The following ABLIM3 variants were observed in gnomAD, a reference collection of about 807,000 sequenced individuals.
ABLIM3 encodes actin-binding LIM protein 3.
In ABLIM3, 61 loss-of-function variants were observed where a neutral mutation model predicts 109.5. The observed-to-expected ratio is 0.56, with a 90% CI of 0.45 to 0.69. The LOEUF is 0.69. ABLIM3 is among the 30% of genes least tolerant of loss of function. ABLIM3 has a pLI of 0.00. For synonymous variants in ABLIM3, 300 were observed against 324.8 expected (o/e 0.92, Z 0.82); for missense variants, 796 against 889.5 (o/e 0.89, Z 1.34).
At chr5:149,236,852 T>C (rs1317309601) in intron 10 of ABLIM3, among the ~76,000 whole-genome samples, 2 of 152,262 alleles carry the variant, frequency 1.3e-5, no homozygotes, top group Non-Finnish European at 2.9e-5. Context: ...TGGTGCCTAC[T>C]ACTAGAGTTG....
intron 8 of ABLIM3, among the ~76,000 whole-genome samples, chr5:149,225,980 GTGTATATATATATATATATATATA>G (rs1182553906): frequency 4.6e-5 from 1 of 21,920 alleles, no homozygotes; most frequent in Non-Finnish European, 8.0e-5. Flanking sequence ...GTGTGTGTGT[GTGTATATATATATATATATATATA>G]TATATATATA....
At chr5:149,180,467 A>T (rs774215129) in intron 2 of ABLIM3, among the ~76,000 whole-genome samples, 9 of 152,176 alleles carry the variant, frequency 5.9e-5, no homozygotes, top group Non-Finnish European at 1.0e-4. Flanking sequence ...AGGAGCAGGG[A>T]TGTGGCATAT....
chr5:149,214,545 C>T (rs1265009568), intron 7 of ABLIM3, among the ~76,000 whole-genome samples: 4 of 152,172 alleles, frequency 2.6e-5, no homozygotes, highest in Non-Finnish European at 4.4e-5. Context: ...CACTACTTAA[C>T]CCTGTGGACT....
intron 2 of ABLIM3, among the ~76,000 whole-genome samples, chr5:149,145,551 C>G (rs1752831971): frequency 6.6e-6 from 1 of 152,152 alleles, no homozygotes; most frequent in Admixed American, 6.6e-5. Flanking sequence ...GTTTTAAGTT[C>G]TTTGAGAATT....
intron 21 of ABLIM3, 29 bp downstream of exon 21, chr5:149,251,448 G>A (rs4558974): frequency 1.8e-4 from 296 of 1,611,046 alleles, no homozygotes; most frequent in Non-Finnish European, 2.4e-4. Context: ...GGGGTCTGCA[G>A]GGAGAGTGCC....
At chr5:149,147,029 C>T (rs1299261367) in intron 2 of ABLIM3, among the ~76,000 whole-genome samples, 1 of 152,096 alleles carries the variant, frequency 6.6e-6, no homozygotes, top group South Asian at 2.1e-4. Flanking sequence ...AGATCTTTCA[C>T]CTCCTTGGTT....
intron 8 of ABLIM3, among the ~76,000 whole-genome samples, chr5:149,225,084 A>G (rs935512513): frequency 2.6e-5 from 4 of 152,232 alleles, no homozygotes; most frequent in Non-Finnish European, 4.4e-5. Flanking sequence ...AAGGAGGAAC[A>G]GAGTGCCTTG....
Position 149,237,755 on chromosome 5 carries a change from A to AAG in ABLIM3, c.1044+156_1044+157dup, listed in dbSNP as rs375261435. The AAG allele has an allele frequency of 3.2e-4, 332 of 1,035,418 alleles. 1 individual carries two copies. The African/African-American group carries it at 3.4e-3, about 11-fold the overall frequency. The allele number at this position is 1,035,418 out of a possible 1,614,324, so 64.1% of individuals were successfully genotyped here. A position where few individuals can be genotyped will look rare whatever the true frequency, so the allele number is the denominator to read the frequency against. On this transcript the variant is annotated intron_variant, in intron 11 of 23. Transcript: ENST00000309868. ...ATTTATGGCCAACGTTTTTTAAATG[A>AAG]AGAGATTTCATTTGGCTTTCTGGCT... is the stretch of plus-strand genomic sequence containing the variant.
At chr5:149,239,179 C>T in intron 11 of ABLIM3, 69 bp from the exon 12 acceptor site, 1 of 1,513,168 alleles carries the variant, frequency 6.6e-7, no homozygotes, top group East Asian at 2.3e-5. Flanking sequence ...CATGCTCTGT[C>T]CTTCGTCTCG....
intron 9 of ABLIM3, 123 bp downstream of exon 9, chr5:149,230,830 C>T (rs1446867778): frequency 1.8e-6 from 2 of 1,128,420 alleles, no homozygotes; most frequent in South Asian, 1.3e-5. Context: ...AAATGTGTGC[C>T]TATGTCCTTG....
intron 2 of ABLIM3, among the ~76,000 whole-genome samples, chr5:149,155,354 A>G (rs757021778): frequency 2.6e-5 from 4 of 152,208 alleles, no homozygotes; most frequent in Non-Finnish European, 4.4e-5. Context: ...TATTCTAGGC[A>G]CCATGAAATC....
intron 8 of ABLIM3, chr5:149,220,400 C>T (rs1035492794): frequency 6.6e-6 from 1 of 152,202 alleles, no homozygotes; most frequent in African/African-American, 2.4e-5. Flanking sequence ...GAAGATGAGC[C>T]TGTCACCTTC....
At chr5:149,214,274 T>C (rs1030513209) in intron 7 of ABLIM3, among the ~76,000 whole-genome samples, 2 of 152,204 alleles carry the variant, frequency 1.3e-5, no homozygotes, top group African/African-American at 4.8e-5. Context: ...GCGAAATCAT[T>C]TAGAATCCCC....
intron 7 of ABLIM3, among the ~76,000 whole-genome samples, chr5:149,211,690 T>G (rs1448888838): frequency 6.6e-6 from 1 of 151,348 alleles, no homozygotes; most frequent in East Asian, 2.0e-4. Flanking sequence ...CATGAGTGCT[T>G]TGTTGAGAAC....
intron 8 of ABLIM3, among the ~76,000 whole-genome samples, chr5:149,226,470 G>A (rs556484096): frequency 1.1e-4 from 17 of 152,138 alleles, no homozygotes; most frequent in African/African-American, 3.9e-4. Flanking sequence ...GTGATAAAGC[G>A]AGACTCCGTC....
rs757925316 is a variant in ABLIM3 at position 149,252,738 on chromosome 5, C to T, written c.1858-19C>T. 3.7e-6 allele frequency: 6 copies of T among 1,605,054 alleles called. No homozygotes were observed. The South Asian group carries it at 6.6e-5, about 18-fold the overall frequency. ...CACCACCCTCACCCAAGCTGGAGACCACCCCCCTTTCTCCTTAGATCTACC... is the reference window on the plus strand; with the variant it reads ...CACCACCCTCACCCAAGCTGGAGACTACCCCCCTTTCTCCTTAGATCTACC... On this transcript the variant is annotated intron_variant, in intron 22 of 23. Coordinates refer to ENST00000309868, the MANE Select transcript of ABLIM3 (RefSeq NM_014945.5).
chr5:149,164,837 G>C (rs1371450283), intron 2 of ABLIM3, among the ~76,000 whole-genome samples: 1 of 152,172 alleles, frequency 6.6e-6, no homozygotes, highest in African/African-American at 2.4e-5. Context: ...CATATTTACT[G>C]TAATTGCCAT....
chr5:149,209,763 A>G (rs1225020420), intron 6 of ABLIM3, among the ~76,000 whole-genome samples: 2 of 152,130 alleles, frequency 1.3e-5, no homozygotes, highest in Non-Finnish European at 1.5e-5. Flanking sequence ...GGGGCTCACA[A>G]ACAAGTCCTT....
chr5:149,149,783 G>A (rs901200992), intron 2 of ABLIM3, among the ~76,000 whole-genome samples: 1 of 152,168 alleles, frequency 6.6e-6, no homozygotes, highest in Non-Finnish European at 1.5e-5. Flanking sequence ...TAAATGGAAG[G>A]ACTCTTCACA....
Sources: allele counts gnomAD v4.1 joint callset (sites outside exome capture counted in the v4.1 genomes callset), GRCh38; gene constraint gnomAD v4.1.1; transcripts MANE v1.5; gene names NCBI Gene and HGNC (gene_info 2026-07-23, HGNC 2026-07-21).